The following SEMA3A variants were observed in gnomAD, a reference collection of about 807,000 sequenced individuals.
The protein encoded by SEMA3A is semaphorin-3A.
SEMA3A carries 29 observed loss-of-function variants against 97.9 expected under a neutral mutation model. The ratio of observed to expected loss-of-function variants is 0.30; its 90% CI spans 0.22 to 0.40. The LOEUF (loss-of-function observed/expected upper bound fraction) is 0.40. Ranked by LOEUF, SEMA3A falls within the 10% of genes least tolerant of loss-of-function variation. The pLI is 1.00. For synonymous variants in SEMA3A, 321 were observed against 323.7 expected (o/e 0.99, Z 0.09); for missense variants, 763 against 951.3 (o/e 0.80, Z 2.60).
intron 3 of SEMA3A, among the ~76,000 whole-genome samples, chr7:84,211,990 A>G (rs896077914): frequency 6.6e-6 from 1 of 152,228 alleles, no homozygotes. Flanking sequence ...AAGTAATGTC[A>G]TGCATATCCA....
At chr7:84,364,461 C>A (rs1042463007) in intron 2 of SEMA3A, among the ~76,000 whole-genome samples, 3 of 151,622 alleles carry the variant, frequency 2.0e-5, no homozygotes, top group African/African-American at 7.3e-5. Context: ...TGGATTACAG[C>A]TGTATTTATT....
chr7:84,063,519 G>T (rs1305726027), intron 4 of SEMA3A, among the ~76,000 whole-genome samples: 2 of 149,886 alleles, frequency 1.3e-5, no homozygotes, highest in South Asian at 4.3e-4. Context: ...TGAAAACTTT[G>T]AAAAAAATTT....
intron 3 of SEMA3A, among the ~76,000 whole-genome samples, chr7:84,221,918 T>A (rs7799452): frequency 6.6e-6 from 1 of 151,686 alleles, no homozygotes; most frequent in Non-Finnish European, 1.5e-5. Flanking sequence ...CTCTATGCAG[T>A]TTTGCCAAAA....
chr7:84,444,556 CT>C (rs1329494012), intron 1 of SEMA3A, among the ~76,000 whole-genome samples: 1 of 147,874 alleles, frequency 6.8e-6, no homozygotes, highest in African/African-American at 2.5e-5. Context: ...ATTTTCTTTT[CT>C]TTTTTTCTTT....
Position 84,301,587 on chromosome 7 carries a change from G to A in SEMA3A, c.-83+5620C>T, listed in dbSNP as rs79036617. Reference sequence around the variant, plus strand: ...TCATGCCATGAAGTTTTGCTAGGATGTAGAGTAGGGGTCAGCAATTTTTTT... The same window carrying A: ...TCATGCCATGAAGTTTTGCTAGGATATAGAGTAGGGGTCAGCAATTTTTTT... On this transcript the variant is annotated intron_variant, in intron 3 of 3. Coordinates refer to the SEMA3A transcript ENST00000424555. 4.2e-3 allele frequency among the ~76,000 whole-genome samples: 638 copies of A among 152,244 alleles called. 3 individuals carry two copies. The highest frequency in any genetic ancestry group is 5.8e-3 in the Non-Finnish European group (397 of 67,998).
intron 2 of SEMA3A, among the ~76,000 whole-genome samples, chr7:84,313,356 G>GTA (rs869145201): frequency 0.012 from 286 of 22,926 alleles, no homozygotes; most frequent in Non-Finnish European, 0.019. Flanking sequence ...ATGTGTGTGT[G>GTA]TATATATATA....
chr7:84,214,949 C>T (rs372881265), intron 3 of SEMA3A, among the ~76,000 whole-genome samples: 3 of 150,734 alleles, frequency 2.0e-5, no homozygotes, highest in Non-Finnish European at 4.4e-5. Flanking sequence ...GATCCGCCCC[C>T]CCTTGGCCTC....
At chr7:84,013,542 A>AATTTTT (rs1790970513) in intron 7 of SEMA3A, among the ~76,000 whole-genome samples, 1 of 149,168 alleles carries the variant, frequency 6.7e-6, no homozygotes, top group African/African-American at 2.6e-5. Context: ...ACATCTTCCA[A>AATTTTT]CAACAAATAT....
chr7:84,387,028 A>G (rs1014294945), intron 1 of SEMA3A, among the ~76,000 whole-genome samples: 6 of 148,274 alleles, frequency 4.0e-5, no homozygotes, highest in African/African-American at 1.0e-4. Context: ...TAATAATAAT[A>G]CAGTCAATTA....
At chr7:84,454,437 A>C (rs149251354) in intron 1 of SEMA3A, among the ~76,000 whole-genome samples, 1 of 152,292 alleles carries the variant, frequency 6.6e-6, no homozygotes, top group African/African-American at 2.4e-5. Flanking sequence ...AGAGGAGCTG[A>C]GTAACCAGTT....
intron 3 of SEMA3A, among the ~76,000 whole-genome samples, chr7:84,217,207 A>G (rs1326035840): frequency 6.6e-6 from 1 of 152,204 alleles, no homozygotes; most frequent in African/African-American, 2.4e-5. Flanking sequence ...ATGGGAATTT[A>G]AATTTCATTC....
chr7:83,978,348 G>C (rs1167805239), intron 14 of SEMA3A, among the ~76,000 whole-genome samples: 1 of 152,142 alleles, frequency 6.6e-6, no homozygotes, highest in Non-Finnish European at 1.5e-5. Flanking sequence ...GCTGCAGCAC[G>C]TTGTGGGTAT....
intron 5 of SEMA3A, among the ~76,000 whole-genome samples, chr7:84,058,347 A>T (rs574998792): frequency 6.6e-6 from 1 of 152,280 alleles, no homozygotes; most frequent in East Asian, 1.9e-4. Flanking sequence ...TATGTAAAAG[A>T]GTTTGGGAAG....
At chr7:84,318,374 G>C (rs1279551075) in intron 2 of SEMA3A, among the ~76,000 whole-genome samples, 1 of 139,674 alleles carries the variant, frequency 7.2e-6, no homozygotes. Flanking sequence ...CCAGGATGGA[G>C]TGCAGTGGCG....
At chr7:84,218,193 T>A (rs1034846637) in intron 3 of SEMA3A, among the ~76,000 whole-genome samples, 1 of 152,092 alleles carries the variant, frequency 6.6e-6, no homozygotes, top group African/African-American at 2.4e-5. Context: ...ATCCTAAAAT[T>A]TGAAATATTT....
chr7:84,018,241 A>G (rs986208931), intron 6 of SEMA3A, among the ~76,000 whole-genome samples: 3 of 152,250 alleles, frequency 2.0e-5, no homozygotes, highest in East Asian at 1.9e-4. Flanking sequence ...TCTTCCTTTC[A>G]GGGAAGAATG....
chr7:84,424,384 A>G (rs1431311609), intron 1 of SEMA3A, among the ~76,000 whole-genome samples: 2 of 136,776 alleles, frequency 1.5e-5, no homozygotes, highest in East Asian at 4.2e-4. Context: ...AATATACAAT[A>G]ATATAATACA....
At chr7:84,388,319 T>C (rs1270312193) in intron 1 of SEMA3A, among the ~76,000 whole-genome samples, 1 of 152,106 alleles carries the variant, frequency 6.6e-6, no homozygotes, top group African/African-American at 2.4e-5. Flanking sequence ...TAACCTTTTA[T>C]ACTTCTTTTT....
intron 12 of SEMA3A, among the ~76,000 whole-genome samples, chr7:83,992,482 T>G (rs1256783614): frequency 6.6e-6 from 1 of 151,714 alleles, no homozygotes; most frequent in African/African-American, 2.4e-5. Context: ...CTCTACACAC[T>G]GCTTTGAATG....
Sources: gnomAD v4.1 joint callset for allele counts (sites outside exome capture counted in the v4.1 genomes callset) on GRCh38, gnomAD v4.1.1 for gene constraint, MANE v1.5 for transcripts, NCBI Gene and HGNC (gene_info 2026-07-23, HGNC 2026-07-21) for gene names.